The following PALLD variants were observed in gnomAD, a reference collection of about 807,000 sequenced individuals.
PALLD encodes the protein palladin.
In PALLD, 61 loss-of-function variants were observed where a neutral mutation model predicts 123.5. The ratio of observed to expected loss-of-function variants is 0.49; its 90% confidence interval spans 0.40 to 0.61. PALLD has a LOEUF of 0.61. PALLD is among the 20% of genes least tolerant of loss of function. The pLI, the probability that PALLD is intolerant of heterozygous loss-of-function variation, is 0.00. For missense variants in PALLD, 1,273 were observed against 1,377.0 expected, an observed-to-expected ratio of 0.92 and a Z score of 1.20; for synonymous variants, 465 against 496.4, an observed-to-expected ratio of 0.94 and a Z score of 0.84.
intron 10 of PALLD, among the ~76,000 whole-genome samples, chr4:168,767,240 T>A (rs1733791349): frequency 6.6e-6 from 1 of 152,182 alleles, no homozygotes; most frequent in Admixed American, 6.5e-5. Flanking sequence ...TCAGCCTCCA[T>A]CGTCATCTCA....
chr4:168,850,416 G>A lies in PALLD; in HGVS notation c.1965-40506G>A, dbSNP rs907904926. ...TCATAAAAGTCCTCTAGAAGATAAC[G>A]ATTGTTCACATTGCAAACCTGTTTG... On this transcript the variant is annotated intron_variant, in intron 10 of 21. Transcript: ENST00000505667. 3.3e-5 allele frequency among the ~76,000 whole-genome samples: 5 copies of A among 150,846 alleles called. No individual in the cohort carries two copies. The South Asian group carries it at 8.4e-4, about 25-fold the overall frequency.
chr4:168,868,129 T>C (rs1750577472), intron 10 of PALLD, among the ~76,000 whole-genome samples: 1 of 152,170 alleles, frequency 6.6e-6, no homozygotes, highest in African/African-American at 2.4e-5. Flanking sequence ...CCCTTCCATC[T>C]TCAGTACGAA....
At chr4:168,600,957 G>A (rs898007762) in intron 2 of PALLD, among the ~76,000 whole-genome samples, 1 of 152,162 alleles carries the variant, frequency 6.6e-6, no homozygotes, top group Non-Finnish European at 1.5e-5. Context: ...TGGGGAGAGA[G>A]GGGAACGTCC....
chr4:168,828,291 T>A (rs1743704406), intron 10 of PALLD, among the ~76,000 whole-genome samples: 2 of 152,188 alleles, frequency 1.3e-5, no homozygotes. Flanking sequence ...TGCTGCTACA[T>A]GGAAATAAAA....
At chr4:168,669,019 A>G (rs1779923985) in intron 3 of PALLD, among the ~76,000 whole-genome samples, 1 of 152,238 alleles carries the variant, frequency 6.6e-6, no homozygotes, top group African/African-American at 2.4e-5. Context: ...CAATACCAAT[A>G]ATTTAGAATA....
chr4:168,606,891 A>G (rs2149747023), intron 2 of PALLD, among the ~76,000 whole-genome samples: 1 of 152,318 alleles, frequency 6.6e-6, no homozygotes, highest in South Asian at 2.1e-4. Context: ...AGATCAGAGG[A>G]GCCATCTTGA....
chr4:168,592,678 G>A (rs942096069), intron 2 of PALLD, among the ~76,000 whole-genome samples: 4 of 151,902 alleles, frequency 2.6e-5, no homozygotes, highest in African/African-American at 7.2e-5. Flanking sequence ...CTTCTGTTAT[G>A]GTTATGCCTT....
intron 10 of PALLD, among the ~76,000 whole-genome samples, chr4:168,801,277 T>TTTTG (rs1028499446): frequency 2.0e-5 from 3 of 152,186 alleles, no homozygotes; most frequent in African/African-American, 7.2e-5. Flanking sequence ...TGTAAAATTT[T>TTTTG]TTTGTTTGTT....
At chr4:168,835,107 TCATTGGGAA>T (rs1744944875) in intron 10 of PALLD, among the ~76,000 whole-genome samples, 1 of 152,216 alleles carries the variant, frequency 6.6e-6, no homozygotes, top group South Asian at 2.1e-4. Context: ...TCTTTCACAA[TCATTGGGAA>T]CTATAAAAAG....
chr4:168,531,633 A>C (rs1764609786), intron 2 of PALLD, among the ~76,000 whole-genome samples: 1 of 152,234 alleles, frequency 6.6e-6, no homozygotes, highest in African/African-American at 2.4e-5. Context: ...TAGGCCATGC[A>C]TGCTTAAGGA....
At chr4:168,672,339 G>A (rs563571424) in intron 3 of PALLD, among the ~76,000 whole-genome samples, 5 of 152,200 alleles carry the variant, frequency 3.3e-5, no homozygotes, top group African/African-American at 9.6e-5. Context: ...ACATTAGAAC[G>A]TATTCCTCTT....
chr4:168,770,138 T>C (rs1326793323), intron 10 of PALLD, among the ~76,000 whole-genome samples: 3 of 152,188 alleles, frequency 2.0e-5, no homozygotes, highest in African/African-American at 7.2e-5. Context: ...GCAAACCAAT[T>C]ATAATGATTT....
chr4:168,712,141 A>G (rs1581102538), intron 10 of PALLD: 8 of 600,568 alleles, frequency 1.3e-5, no homozygotes, highest in Non-Finnish European at 2.1e-5. Context: ...GCTGAAAGCT[A>G]TAACTGGTTA....
Position 168,669,375 on chromosome 4 carries a change from G to C in PALLD, c.1087+1007G>C, listed in dbSNP as rs147080467. On this transcript the variant is annotated intron_variant, in intron 3 of 21. Coordinates refer to ENST00000505667, the MANE Select transcript of PALLD (RefSeq NM_001166108.2). ...GAGGCCAGGAGTTTGAGACCAGACT[G>C]GGCAACATACTGAGACCCTGTCTCA... 4.9e-3 allele frequency among the ~76,000 whole-genome samples: 743 copies of C among 152,164 alleles called. 4 individuals are homozygous for C. The highest frequency in any genetic ancestry group is 5.6e-3 in the Non-Finnish European group (379 of 67,996).
At chr4:168,579,480 A>G (rs991898301) in intron 2 of PALLD, among the ~76,000 whole-genome samples, 3 of 152,172 alleles carry the variant, frequency 2.0e-5, no homozygotes, top group African/African-American at 7.2e-5. Context: ...TATGCAATAC[A>G]GCGCACAAAT....
At chr4:168,708,101 G>T (rs920952827) in intron 8 of PALLD, among the ~76,000 whole-genome samples, 1 of 152,124 alleles carries the variant, frequency 6.6e-6, no homozygotes, top group Non-Finnish European at 1.5e-5. Context: ...GTGACCTTGG[G>T]CAAGTGAATT....
At chr4:168,698,470 T>C (rs1783364652) in intron 8 of PALLD, among the ~76,000 whole-genome samples, 1 of 152,104 alleles carries the variant, frequency 6.6e-6, no homozygotes, top group Non-Finnish European at 1.5e-5. Context: ...CATGCCCTTA[T>C]CAAAACATGT....
chr4:168,500,407 A>G (rs1256873522), intron 1 of PALLD, among the ~76,000 whole-genome samples: 1 of 152,030 alleles, frequency 6.6e-6, no homozygotes, highest in Non-Finnish European at 1.5e-5. Flanking sequence ...TCTTTTGCCC[A>G]AGCTGGAATG....
chr4:168,723,368 A>G (rs975755257), intron 10 of PALLD, among the ~76,000 whole-genome samples: 2 of 152,206 alleles, frequency 1.3e-5, no homozygotes, highest in African/African-American at 2.4e-5. Flanking sequence ...AGGACCCTGC[A>G]GAACCCTCCT....
Sources: gnomAD v4.1 joint callset for allele counts (sites outside exome capture counted in the v4.1 genomes callset) on GRCh38, gnomAD v4.1.1 for gene constraint, MANE v1.5 for transcripts, NCBI Gene and HGNC (gene_info 2026-07-23, HGNC 2026-07-21) for gene names.